GRID1: variants seen among roughly 807,000 people sequenced by gnomAD.
The protein encoded by GRID1 is glutamate receptor ionotropic, delta-1.
Under a neutral mutation model 98.0 loss-of-function variants are expected in GRID1, and 28 were observed. The ratio of observed to expected loss-of-function variants is 0.29; its 90% CI spans 0.21 to 0.39. The LOEUF is 0.39. Among genes scored for constraint, GRID1 ranks in the 10% least tolerant of loss-of-function variants. The pLI is 1.00. For synonymous variants in GRID1, 553 were observed against 538.5 expected, an observed-to-expected ratio of 1.03 and a Z score of -0.37; for missense variants, 1,111 against 1,340.5, an observed-to-expected ratio of 0.83 and a Z score of 2.67.
At chr10:85,889,383 C>G (rs1841162833) in intron 5 of GRID1, among the ~76,000 whole-genome samples, 1 of 152,222 alleles carries the variant, frequency 6.6e-6, no homozygotes, top group Non-Finnish European at 1.5e-5. Context: ...CTACTCTCTA[C>G]TTCTACGAGA....
chr10:86,097,434 C>T lies in GRID1; in HGVS notation c.726+41385G>A, dbSNP rs534722852. 1.6e-4 allele frequency among the ~76,000 whole-genome samples: 24 copies of T among 152,216 alleles called. No homozygotes were observed. In the South Asian group the frequency reaches 4.4e-3, roughly 28 times the overall value. ...ACTGGTAAAAGGAACACTTTTATCCCCTCTCATCTATCTATCATCTGTCTA... is the reference window on the plus strand; with the variant it reads ...ACTGGTAAAAGGAACACTTTTATCCTCTCTCATCTATCTATCATCTGTCTA... On this transcript the variant is annotated intron_variant, in intron 4 of 15. Coordinates refer to ENST00000327946, the MANE Select transcript of GRID1 (RefSeq NM_017551.3).
At chr10:85,904,715 TAAAA>T (rs544729989) in intron 5 of GRID1, among the ~76,000 whole-genome samples, 1 of 140,394 alleles carries the variant, frequency 7.1e-6, no homozygotes, top group South Asian at 2.3e-4. Flanking sequence ...TGTATGAAAT[TAAAA>T]AAAAAAACAC....
intron 12 of GRID1, among the ~76,000 whole-genome samples, chr10:85,689,387 G>T (rs1173536806): frequency 6.6e-6 from 1 of 151,800 alleles, no homozygotes; most frequent in Non-Finnish European, 1.5e-5. Context: ...AGGATAAATT[G>T]TAAGAAGGAC....
chr10:86,242,157 T>C (rs894802232), intron 2 of GRID1, among the ~76,000 whole-genome samples: 1 of 152,172 alleles, frequency 6.6e-6, no homozygotes, highest in African/African-American at 2.4e-5. Flanking sequence ...GCAGGGAGTA[T>C]GTGGTTGCTA....
chr10:85,614,239 T>G (rs1297224313), intron 14 of GRID1, among the ~76,000 whole-genome samples: 1 of 152,154 alleles, frequency 6.6e-6, no homozygotes, highest in Non-Finnish European at 1.5e-5. Context: ...AGAGCTGTGA[T>G]TTAAAAAAAT....
At chr10:85,608,922 G>C (rs1842702793) in intron 15 of GRID1, among the ~76,000 whole-genome samples, 1 of 152,168 alleles carries the variant, frequency 6.6e-6, no homozygotes, top group Non-Finnish European at 1.5e-5. Flanking sequence ...CTCAGGCCAG[G>C]CTGTTTCCAG....
At chr10:85,756,336 A>G (rs1202440471) in intron 8 of GRID1, among the ~76,000 whole-genome samples, 4 of 151,910 alleles carry the variant, frequency 2.6e-5, no homozygotes, top group Non-Finnish European at 5.9e-5. Context: ...TTCTTTCCTT[A>G]TTATGTCTAG....
chr10:85,878,317 G>T lies in GRID1; in HGVS notation c.781-9137C>A, dbSNP rs549213505. ...AAGAGCAACTCCAAGACACATAATT[G>T]TCAGATTCACCAAAGTTGAAATGAA... On this transcript the variant is annotated intron_variant, in intron 5 of 15. Coordinates refer to ENST00000327946, the MANE Select transcript of GRID1 (RefSeq NM_017551.3). Among the ~76,000 whole-genome samples the T allele has an allele frequency of 1.5e-3, 235 of 152,086 alleles. 3 individuals are homozygous for T. The East Asian group carries it at 0.023, about 15-fold the overall frequency.
intron 3 of GRID1, among the ~76,000 whole-genome samples, chr10:86,142,873 A>C (rs558634095): frequency 3.9e-5 from 6 of 152,148 alleles, no homozygotes. Context: ...AACCCACAGG[A>C]CGGTTTTATT....
At chr10:85,968,522 T>C (rs1259642893) in intron 4 of GRID1, among the ~76,000 whole-genome samples, 1 of 150,448 alleles carries the variant, frequency 6.6e-6, no homozygotes, top group Non-Finnish European at 1.5e-5. Flanking sequence ...GCTTCAAATG[T>C]ATAAATATGC....
At chr10:86,031,499 C>T (rs886717078) in intron 4 of GRID1, among the ~76,000 whole-genome samples, 2 of 152,116 alleles carry the variant, frequency 1.3e-5, no homozygotes, top group Non-Finnish European at 2.9e-5. Context: ...GACGCCCAAA[C>T]CTCAACATGA....
At position 86,365,601 on chromosome 10, in the gene GRID1, G is replaced by A. The variant is rs1848666341; in HGVS notation, c.79+713C>T. On this transcript the variant is annotated intron_variant, in intron 1 of 15. Coordinates refer to ENST00000327946, the MANE Select transcript of GRID1 (RefSeq NM_017551.3). The surrounding 1 kb of genome is among the most constrained non-coding windows in gnomAD (Gnocchi z 4.8). ...GGCTCCCACCACCCAGACCGTCTGG[G>A]CCCCCAAGACTTGGACCACGCAAAA... 1.4e-5 allele frequency among the ~76,000 whole-genome samples: 2 copies of A among 147,540 alleles called. No homozygotes were observed. Among genetic ancestry groups the A allele is most frequent in the Admixed American group, 1.4e-4 (2 of 14,768 alleles).
chr10:85,744,175 T>G (rs1304084075), intron 8 of GRID1, among the ~76,000 whole-genome samples: 1 of 152,142 alleles, frequency 6.6e-6, no homozygotes, highest in African/African-American at 2.4e-5. Context: ...CTTGAAGACT[T>G]CTCAGAAAGA....
At chr10:86,269,687 C>G (rs557411500) in intron 2 of GRID1, among the ~76,000 whole-genome samples, 1 of 152,328 alleles carries the variant, frequency 6.6e-6, no homozygotes, top group East Asian at 1.9e-4. Flanking sequence ...CTTTCACTCC[C>G]CTTTAGTCTC....
intron 4 of GRID1, among the ~76,000 whole-genome samples, chr10:85,964,712 A>T (rs1270695307): frequency 6.6e-6 from 1 of 152,238 alleles, no homozygotes; most frequent in Non-Finnish European, 1.5e-5. Context: ...AGGCAGTACC[A>T]TTCAGGACAT....
chr10:86,261,741 C>G (rs1326115407), intron 2 of GRID1, among the ~76,000 whole-genome samples: 1 of 151,972 alleles, frequency 6.6e-6, no homozygotes, highest in South Asian at 2.1e-4. Context: ...GTCACCCACT[C>G]TCACCTGAGC....
chr10:85,779,024 A>C (rs970025544), intron 8 of GRID1, among the ~76,000 whole-genome samples: 1 of 152,358 alleles, frequency 6.6e-6, no homozygotes, highest in African/African-American at 2.4e-5. Context: ...TTAAACAAAA[A>C]ACAGTTCTGG....
At chr10:86,275,589 TA>T (rs1564726305) in intron 2 of GRID1, among the ~76,000 whole-genome samples, 1 of 152,102 alleles carries the variant, frequency 6.6e-6, no homozygotes, top group Non-Finnish European at 1.5e-5. Context: ...CATTAATTTT[TA>T]AAAGAAGCAA....
intron 3 of GRID1, among the ~76,000 whole-genome samples, chr10:86,175,649 C>G (rs1212260869): frequency 1.3e-5 from 2 of 152,180 alleles, no homozygotes; most frequent in East Asian, 3.8e-4. Context: ...AGAGCTGTGC[C>G]TGGCACAGGG....
Sources: gnomAD v4.1 joint callset for allele counts (sites outside exome capture counted in the v4.1 genomes callset) on GRCh38, gnomAD v4.1.1 for gene constraint, Gnocchi (gnomAD v3.1) non-coding constraint, MANE v1.5 for transcripts, NCBI Gene and HGNC (gene_info 2026-07-23, HGNC 2026-07-21) for gene names.